Variants in PACRGL observed in about 807,000 individuals in gnomAD.
The protein encoded by PACRGL is parkin coregulated like, also known as PACRG-like protein.
A neutral mutation model predicts 34.5 loss-of-function variants in PACRGL; 38 were observed. The ratio of observed to expected loss-of-function variants is 1.10; its 90% CI spans 0.85 to 1.44. The LOEUF (loss-of-function observed/expected upper bound fraction) is 1.44, where lower values mean the gene tolerates loss of function less well. Ranked by LOEUF, PACRGL falls within the 40% of genes most tolerant of loss-of-function variation. The pLI, the probability that PACRGL is intolerant of heterozygous loss-of-function variation, is 0.00. For missense variants in PACRGL, 305 were observed against 281.4 expected (o/e 1.08, Z -0.60); for synonymous variants, 128 against 100.1 (o/e 1.28, Z -1.66).
chr4:20,748,751 A>G (rs1752979227), intron 8 of PACRGL, among the ~76,000 whole-genome samples: 1 of 150,190 alleles, frequency 6.7e-6, no homozygotes, highest in East Asian at 2.0e-4. Context: ...TATTTTCCCT[A>G]ACAAAAATAA....
chr4:20,733,884 T>C (rs867106759), downstream of PACRGL, among the ~76,000 whole-genome samples: 26 of 152,152 alleles, frequency 1.7e-4, no homozygotes, highest in Admixed American at 1.4e-3. Context: ...CCTGGCACAC[T>C]TGCACCTGTG....
chr4:20,717,967 G>A (rs183037470), intron 7 of PACRGL, among the ~76,000 whole-genome samples: 1 of 152,168 alleles, frequency 6.6e-6, no homozygotes, highest in African/African-American at 2.4e-5. Context: ...CTATCCATGA[G>A]TATGGAATCT....
chr4:20,723,671 C>G (rs1744405810), intron 7 of PACRGL, among the ~76,000 whole-genome samples: 1 of 152,132 alleles, frequency 6.6e-6, no homozygotes, highest in African/African-American at 2.4e-5. Context: ...TCTAATCTTT[C>G]TGGGTCAGTG....
chr4:20,724,034 A>C (rs78012037), intron 7 of PACRGL, among the ~76,000 whole-genome samples: 9,271 of 152,210 alleles, frequency 0.061, 335 homozygotes, highest in Admixed American at 0.098. Flanking sequence ...AAGAAAGGGT[A>C]TTATTCTTCT....
At position 20,720,411 on chromosome 4, in the gene PACRGL, T is replaced by G. The variant is rs530482411; in HGVS notation, c.610-4397T>G. Reference sequence around the variant, plus strand: ...TTATTTTGCTCATTAGTTGATGCAGTTTCTTCCTAGCCTCGATGGTCTTTA... The same window carrying G: ...TTATTTTGCTCATTAGTTGATGCAGGTTCTTCCTAGCCTCGATGGTCTTTA... On this transcript the variant is annotated intron_variant, in intron 7 of 8. Coordinates refer to ENST00000503585, the MANE Select transcript of PACRGL (RefSeq NM_001258345.3). 2.0e-5 allele frequency among the ~76,000 whole-genome samples: 3 copies of G among 152,340 alleles called. No homozygotes were observed. The East Asian group carries it at 5.8e-4, about 29-fold the overall frequency.
chr4:20,761,135 A>G, the PACRGL span, among the ~76,000 whole-genome samples: 1 of 152,112 alleles, frequency 6.6e-6, no homozygotes, highest in South Asian at 2.1e-4. Context: ...AGTGTTCTTC[A>G]GACATCATCT....
chr4:20,715,064 T>C (rs955562916), intron 7 of PACRGL, among the ~76,000 whole-genome samples: 4 of 152,172 alleles, frequency 2.6e-5, no homozygotes, highest in African/African-American at 9.7e-5. Context: ...GAAAATGTGG[T>C]ACATACACAC....
At chr4:20,734,790 A>G (rs1749182372), downstream of PACRGL, 3 of 1,068,508 alleles carry the variant, frequency 2.8e-6, no homozygotes, top group East Asian at 2.5e-5. Context: ...AACAAAAACA[A>G]AAAAAACAAA....
At chr4:20,746,315 T>G (rs1312166317) in intron 8 of PACRGL, among the ~76,000 whole-genome samples, 2 of 151,616 alleles carry the variant, frequency 1.3e-5, no homozygotes. Context: ...AGCTGGGAAT[T>G]GAACAATGAG....
intron 8 of PACRGL, among the ~76,000 whole-genome samples, chr4:20,748,561 TA>T (rs2149332996): frequency 8.8e-4 from 1 of 1,130 alleles, no homozygotes; most frequent in East Asian, 0.038. Flanking sequence ...TTCCAAATTT[TA>T]TATATATATA....
At chr4:20,760,457 G>A in the PACRGL span, among the ~76,000 whole-genome samples, 10 of 152,076 alleles carry the variant, frequency 6.6e-5, no homozygotes, top group African/African-American at 2.4e-4. Flanking sequence ...TTATTCCAGT[G>A]AGTCAGTTAC....
the PACRGL span, among the ~76,000 whole-genome samples, chr4:20,759,396 A>C: frequency 6.6e-6 from 1 of 152,198 alleles, no homozygotes; most frequent in Non-Finnish European, 1.5e-5. Context: ...AGGCATACCC[A>C]AGACATGGTT....
At chr4:20,717,859 C>T (rs1296111719) in intron 7 of PACRGL, among the ~76,000 whole-genome samples, 4 of 152,046 alleles carry the variant, frequency 2.6e-5, no homozygotes, top group African/African-American at 9.7e-5. Context: ...AGTTCTTTTC[C>T]AATTCTGTGA....
intron 7 of PACRGL, among the ~76,000 whole-genome samples, chr4:20,721,263 G>GGTTC (rs1437189260): frequency 3.3e-5 from 5 of 152,120 alleles, no homozygotes; most frequent in Admixed American, 3.3e-4. Context: ...CTTTGCAATG[G>GGTTC]GTTCAAACTT....
At position 20,729,946 on chromosome 4, in the gene PACRGL, A is replaced by T. The variant is rs1560396339; in HGVS notation, c.*2605A>T. The T allele has an allele frequency of 4.9e-6, 5 of 1,020,860 alleles. No homozygotes were observed. In the African/African-American group the frequency reaches 8.3e-5, roughly 17 times the overall value. The allele number at this position is 1,020,860 out of a possible 1,614,324, so 63.2% of individuals were successfully genotyped here. A position where few individuals can be genotyped will look rare whatever the true frequency, so the allele number is the denominator to read the frequency against. On this transcript the variant is annotated 3_prime_UTR_variant, in exon 9 of 9. Coordinates refer to ENST00000503585, the MANE Select transcript of PACRGL (RefSeq NM_001258345.3). ...GCTCAAATCTTTTGGGGATTGCTTT[A>T]TATTAAAACAAAGCTTGTTTGCATA...
chr4:20,758,454 A>T, the PACRGL span, among the ~76,000 whole-genome samples: 1 of 152,146 alleles, frequency 6.6e-6, no homozygotes, highest in Non-Finnish European at 1.5e-5. Context: ...TAAATTGAGG[A>T]TAATTACATT....
At chr4:20,743,197 G>A (rs1751593380) in intron 8 of PACRGL, among the ~76,000 whole-genome samples, 1 of 152,024 alleles carries the variant, frequency 6.6e-6, no homozygotes, top group South Asian at 2.1e-4. Context: ...ACTGCCCAAG[G>A]TGTAATTTAT....
At chr4:20,745,044 T>G (rs955601283) in intron 8 of PACRGL, among the ~76,000 whole-genome samples, 4 of 152,288 alleles carry the variant, frequency 2.6e-5, no homozygotes, top group Admixed American at 2.0e-4. Context: ...ACTCAGACTC[T>G]TGCTAGGAAT....
intron 7 of PACRGL, among the ~76,000 whole-genome samples, chr4:20,720,291 A>C (rs1287176345): frequency 6.6e-6 from 1 of 152,162 alleles, no homozygotes; most frequent in African/African-American, 2.4e-5. Context: ...CCAATCTGCC[A>C]GTCTGTGTCT....
Sources: gnomAD v4.1 joint callset for allele counts (sites outside exome capture counted in the v4.1 genomes callset) on GRCh38, gnomAD v4.1.1 for gene constraint, MANE v1.5 for transcripts, NCBI Gene and HGNC (gene_info 2026-07-23, HGNC 2026-07-21) for gene names.